The following WDR41 variants were observed in gnomAD, a reference collection of about 807,000 sequenced individuals.
WDR41 encodes WD repeat domain 41.
In WDR41, 63 loss-of-function variants were observed where a neutral mutation model predicts 69.3. The observed-to-expected ratio is 0.91, with a 90% CI of 0.74 to 1.12. The LOEUF (loss-of-function observed/expected upper bound fraction) is 1.12. Ranked by LOEUF, WDR41 falls within the 50% of genes most tolerant of loss-of-function variation. WDR41 has a pLI of 0.00. For missense variants in WDR41, 543 were observed against 534.5 expected (o/e 1.02, Z -0.16); for synonymous variants, 185 against 192.1 (o/e 0.96, Z 0.31).
chr5:77,432,253 A>C lies in WDR41; in HGVS notation c.*882T>G, dbSNP rs1297594087. The C allele has an allele frequency of 6.6e-6, 1 of 152,180 alleles. No homozygotes were observed. Among genetic ancestry groups the C allele is most frequent in the Non-Finnish European group, 1.5e-5 (1 of 68,032 alleles). 9.4% of individuals were successfully genotyped at this position (152,180 alleles called of 1,614,324 possible). A position where few individuals can be genotyped will look rare whatever the true frequency, so the allele number is the denominator to read the frequency against. On this transcript the variant is annotated 3_prime_UTR_variant, in exon 13 of 13. Coordinates refer to ENST00000296679, the MANE Select transcript of WDR41 (RefSeq NM_018268.4). ...TCTTTAATGTGTAGACTACTTTCTA[A>C]TATTTTCATTTTTTAGCACCAAAAG...
chr5:77,557,940 A>T (rs896204591), intron 1 of WDR41, among the ~76,000 whole-genome samples: 5 of 152,154 alleles, frequency 3.3e-5, no homozygotes, highest in African/African-American at 1.2e-4. Flanking sequence ...TAAAGGCCAA[A>T]AACATGCAAA....
intron 2 of WDR41, among the ~76,000 whole-genome samples, chr5:77,474,953 G>T (rs1030097792): frequency 5.9e-5 from 9 of 152,180 alleles, no homozygotes; most frequent in Non-Finnish European, 8.8e-5. Flanking sequence ...AGGTCAGTGG[G>T]TGCGTGCACC....
intron 9 of WDR41, among the ~76,000 whole-genome samples, chr5:77,438,744 T>G (rs945720223): frequency 1.6e-4 from 24 of 152,232 alleles, no homozygotes; most frequent in African/African-American, 5.3e-4. Flanking sequence ...TTACCTAGCT[T>G]CTTCTGCCTG....
At chr5:77,537,557 C>A (rs1743011152) in intron 1 of WDR41, among the ~76,000 whole-genome samples, 2 of 152,062 alleles carry the variant, frequency 1.3e-5, no homozygotes. Context: ...CAGTACCTGG[C>A]CCTGGGGTCA....
At chr5:77,469,260 G>C (rs1312263467) in intron 2 of WDR41, among the ~76,000 whole-genome samples, 1 of 152,040 alleles carries the variant, frequency 6.6e-6, no homozygotes, top group African/African-American at 2.4e-5. Flanking sequence ...GGGTAGGGGG[G>C]AGGGATAGCA....
At chr5:77,603,788 A>G (rs1269219626) in intron 1 of WDR41, among the ~76,000 whole-genome samples, 1 of 152,188 alleles carries the variant, frequency 6.6e-6, no homozygotes, top group Non-Finnish European at 1.5e-5. Context: ...ATTCTTCTGC[A>G]TGTGGATATC....
chr5:77,579,348 C>T (rs1406966005), intron 1 of WDR41, among the ~76,000 whole-genome samples: 1 of 152,058 alleles, frequency 6.6e-6, no homozygotes, highest in Admixed American at 6.5e-5. Flanking sequence ...TAAATAGACA[C>T]ATCACACTAA....
chr5:77,536,084 C>T (rs1863924), intron 1 of WDR41, among the ~76,000 whole-genome samples: 7,533 of 152,170 alleles, frequency 0.05, 315 homozygotes, highest in South Asian at 0.13. Flanking sequence ...CTAAAGAATG[C>T]TACCCTGTTT....
chr5:77,594,300 G>T (rs1021144801), intron 1 of WDR41, among the ~76,000 whole-genome samples: 24 of 151,084 alleles, frequency 1.6e-4, no homozygotes, highest in Admixed American at 1.3e-3. Context: ...AGCATTAGGA[G>T]ATATACCTAA....
chr5:77,567,115 A>C (rs377649899), intron 1 of WDR41, among the ~76,000 whole-genome samples: 85 of 152,300 alleles, frequency 5.6e-4, no homozygotes, highest in African/African-American at 1.9e-3. Flanking sequence ...ATCGGCTTCC[A>C]CATACTTATT....
At chr5:77,610,720 A>G (rs1384826914) in intron 1 of WDR41, among the ~76,000 whole-genome samples, 1 of 152,256 alleles carries the variant, frequency 6.6e-6, no homozygotes, top group Non-Finnish European at 1.5e-5. Flanking sequence ...TGTAAAGACC[A>G]TCAAGACTAG....
chr5:77,540,793 C>T (rs181741937), intron 1 of WDR41, among the ~76,000 whole-genome samples: 8 of 152,194 alleles, frequency 5.3e-5, no homozygotes, highest in East Asian at 1.9e-4. Context: ...AAAAGTCAAA[C>T]TGCTGTATTC....
At chr5:77,603,038 T>C (rs1468504915) in intron 1 of WDR41, among the ~76,000 whole-genome samples, 2 of 151,566 alleles carry the variant, frequency 1.3e-5, no homozygotes, top group Non-Finnish European at 2.9e-5. Context: ...CCTGGGTTCA[T>C]GCCATTTTCC....
intron 1 of WDR41, chr5:77,545,414 CG>C (rs1561220350): frequency 1.8e-5 from 3 of 168,872 alleles, no homozygotes; most frequent in African/African-American, 7.2e-5. Context: ...CAGTGCAGCA[CG>C]GGGACAGGTC....
Position 77,431,994 on chromosome 5 carries a change from CATT to C in WDR41, c.*1138_*1140del, listed in dbSNP as rs1798741933. ...TGGGCCTCAGTTTCCTCATTTGTAA[CATT>C]ATGCCACTGGTCTACTCAGATGACC... On this transcript the variant is annotated 3_prime_UTR_variant, in exon 13 of 13. Coordinates refer to ENST00000296679, the MANE Select transcript of WDR41 (RefSeq NM_018268.4). 6.6e-6 allele frequency: 1 copy of C among 152,188 alleles called. No individual in the cohort carries two copies. Among genetic ancestry groups the C allele is most frequent in the South Asian group, 2.1e-4 (1 of 4,834 alleles). The allele number at this position is 152,188 out of a possible 1,614,324, so 9.4% of individuals were successfully genotyped here.
In WDR41 at chr5:77,463,160, A is replaced by C; in HGVS notation, c.283T>G (p.Ser95Ala). ...TTTTTCTCTTCACAAGATTCCAAGG[A>C]AGGAAATGTAATAATAGCTGTTATC... ...QKITAIITFP[S>A]LESCEEKNQL... is the part of the protein sequence containing the mutation. Residue 95 changes from serine (S) to alanine (A), a missense_variant, in exon 4 of 13, where the codon TCC becomes GCC. Transcript: ENST00000296679. 1 of 1,612,706 alleles carries C rather than the reference A, an allele frequency of 6.2e-7. No homozygotes were observed.
upstream of WDR41, among the ~76,000 whole-genome samples, chr5:77,496,486 G>T (rs1171666971): frequency 6.6e-6 from 1 of 151,722 alleles, no homozygotes; most frequent in Non-Finnish European, 1.5e-5. Flanking sequence ...AATCCAAAAA[G>T]AAAACTAATA....
At chr5:77,451,253 C>T (rs780455028) in intron 7 of WDR41, 38 bp downstream of exon 7, 30 of 1,595,130 alleles carry the variant, frequency 1.9e-5, no homozygotes, top group South Asian at 1.2e-4. Context: ...ATACAATTCT[C>T]GTTCAAAATA....
At chr5:77,457,768 C>A (rs1581715326) in intron 5 of WDR41, among the ~76,000 whole-genome samples, 1 of 136,080 alleles carries the variant, frequency 7.3e-6, no homozygotes, top group African/African-American at 3.2e-5. Flanking sequence ...ACTATCTATT[C>A]AAGAACAACT....
Sources: allele counts gnomAD v4.1 joint callset (sites outside exome capture counted in the v4.1 genomes callset), GRCh38; gene constraint gnomAD v4.1.1; transcripts MANE v1.5; gene names NCBI Gene and HGNC (gene_info 2026-07-23, HGNC 2026-07-21).